LGALS4: variants seen among roughly 807,000 people sequenced by gnomAD.
LGALS4 encodes galectin 4, also known as galectin-4.
A neutral mutation model predicts 39.6 loss-of-function variants in LGALS4; 37 were observed. The observed-to-expected ratio is 0.93, with a 90% CI of 0.72 to 1.23. The LOEUF (loss-of-function observed/expected upper bound fraction) is 1.23, where lower values mean the gene tolerates loss of function less well. LGALS4 is among the 50% of genes most tolerant of loss of function. The pLI, the probability that LGALS4 is intolerant of heterozygous loss-of-function variation, is 0.00. For missense variants in LGALS4, 397 were observed against 433.2 expected, an observed-to-expected ratio of 0.92 and a Z score of 0.74; for synonymous variants, 160 against 165.5, an observed-to-expected ratio of 0.97 and a Z score of 0.25.
At chr19:38,803,718 G>GGCCCTCCCA (rs776695397) in intron 6 of LGALS4, 24 bp downstream of exon 6, 19 of 1,611,324 alleles carry the variant, frequency 1.2e-5, no homozygotes, top group African/African-American at 1.3e-5. Context: ...CCTCACCCGG[G>GGCCCTCCCA]GCCCTCCCAG....
chr19:38,811,664 GA>G (rs879875281), intron 2 of LGALS4, among the ~76,000 whole-genome samples: 5 of 148,250 alleles, frequency 3.4e-5, no homozygotes, highest in African/African-American at 7.5e-5. Flanking sequence ...TATCTCTAAG[GA>G]AAAAAAAAGT....
chr19:38,810,276 C>T (rs1423031052), intron 2 of LGALS4, among the ~76,000 whole-genome samples: 1 of 151,620 alleles, frequency 6.6e-6, no homozygotes, highest in Non-Finnish European at 1.5e-5. Flanking sequence ...CCACATCAGG[C>T]TCTCAAGTAG....
intron 3 of LGALS4, 30 bp from the exon 4 acceptor site, chr19:38,806,625 C>A: frequency 1.2e-6 from 2 of 1,611,674 alleles, no homozygotes; most frequent in South Asian, 2.2e-5. Flanking sequence ...GGTCAGGAGT[C>A]AGCACCCATG....
At chr19:38,812,613 G>C in intron 1 of LGALS4, 94 bp from the exon 2 acceptor site, 1 of 1,211,408 alleles carries the variant, frequency 8.3e-7, no homozygotes, top group Middle Eastern at 1.9e-4. Flanking sequence ...TTAAGCAGGA[G>C]AGAGGAAACC....
In LGALS4 at chr19:38,802,315, C is replaced by T. The variant is rs745807083; in HGVS notation, c.659+1G>A. On this transcript the variant is annotated splice_donor_variant, in intron 8 of 9. Coordinates refer to ENST00000307751, the MANE Select transcript of LGALS4 (RefSeq NM_006149.4). LOFTEE classifies it high-confidence loss of function. The stretch of plus-strand genomic sequence containing the variant: ...GGGTTCCCACCTAGTTTACGTTATA[C>T]CTCTTGCCTGTGGGAGGCACATAGC... 10 of 1,613,790 alleles carry T rather than the reference C, an allele frequency of 6.2e-6. No homozygotes were observed. The South Asian group carries it at 6.6e-5, about 11-fold the overall frequency.
chr19:38,802,062 A>C lies in LGALS4; in HGVS notation c.755T>G (p.Leu252Arg). Residue 252 changes from leucine (L) to arginine (R), a missense_variant, in exon 9 of 10, where the codon CTG (leucine) becomes CGG (arginine). Leu to Arg is a moderately radical substitution (Grantham distance 102, BLOSUM62 -2). Coordinates refer to ENST00000307751, the MANE Select transcript of LGALS4 (RefSeq NM_006149.4). The part of the protein sequence containing the change: ...GNGTVVRNSL[L>R]NGSWGSEEKK... Reference sequence around the variant, plus strand: ...CTCCTCGGATCCCCACGAGCCATTCAGAAGGCTGTTCCGGACCACGGTACC... The same window carrying C: ...CTCCTCGGATCCCCACGAGCCATTCCGAAGGCTGTTCCGGACCACGGTACC... The C allele has an allele frequency of 1.2e-6, 2 of 1,614,258 alleles. No individual in the cohort carries two copies. Among genetic ancestry groups the C allele is most frequent in the Non-Finnish European group, 1.7e-6 (2 of 1,180,042 alleles).
chr19:38,812,667 A>G, intron 1 of LGALS4, 148 bp from the exon 2 acceptor site: 1 of 929,426 alleles, frequency 1.1e-6, no homozygotes, highest in Non-Finnish European at 1.7e-6. Context: ...CAACAGTTAG[A>G]CGTGGACACA....
intron 1 of LGALS4, 30 bp from the exon 2 acceptor site, chr19:38,812,549 C>T: frequency 6.3e-7 from 1 of 1,597,560 alleles, no homozygotes; most frequent in Non-Finnish European, 8.6e-7. Flanking sequence ...AGGGGACTCA[C>T]AAGCCATCTG....
chr19:38,809,330 C>T (rs769644239), intron 2 of LGALS4, among the ~76,000 whole-genome samples: 1 of 151,912 alleles, frequency 6.6e-6, no homozygotes, highest in Non-Finnish European at 1.5e-5. Flanking sequence ...CAGGCGTGCA[C>T]CACCACGTCC....
chr19:38,808,789 A>C lies in LGALS4; in HGVS notation c.294T>G (p.Gly98=). Residue 98 remains glycine, a synonymous_variant, in exon 3 of 10, where the codon GGT becomes GGG. Transcript: ENST00000307751. ...ERKRSMPFKK[G]AAFELVFIVL... is the part of the protein sequence containing the mutation. ...CTATGAAGACCAGCTCAAAGGCGGC[A>C]CCCTTTTTGAAGGGCATGCTCCTCT... 1 of 1,614,120 alleles carries C rather than the reference A, an allele frequency of 6.2e-7. No individual in the cohort carries two copies. The highest frequency in any genetic ancestry group is 8.5e-7 in the Non-Finnish European group (1 of 1,180,008).
At chr19:38,811,672 A>G (rs1252298245) in intron 2 of LGALS4, among the ~76,000 whole-genome samples, 1 of 151,728 alleles carries the variant, frequency 6.6e-6, no homozygotes, top group Non-Finnish European at 1.5e-5. Context: ...AGGAAAAAAA[A>G]AGTCCTATGA....
rs1476720341 is a variant in LGALS4, at chr19:38,812,533, C to G, written c.46-14G>C. ...GTAAGGCAGCGTCTGGAGAAGAGGCCTGGTGAGGGGACTCACAAGCCATCT... is the reference window on the plus strand; with the variant it reads ...GTAAGGCAGCGTCTGGAGAAGAGGCGTGGTGAGGGGACTCACAAGCCATCT... On this transcript the variant is annotated splice_polypyrimidine_tract_variant and intron_variant, in intron 1 of 9. Coordinates refer to ENST00000307751, the MANE Select transcript of LGALS4 (RefSeq NM_006149.4). 1.2e-6 allele frequency: 2 copies of G among 1,612,522 alleles called. No homozygotes were observed. The highest frequency in any genetic ancestry group is 3.3e-5 in the Admixed American group (2 of 59,984).
intron 2 of LGALS4, among the ~76,000 whole-genome samples, chr19:38,810,408 G>T (rs1971479238): frequency 7.1e-6 from 1 of 140,324 alleles, no homozygotes; most frequent in South Asian, 2.2e-4. Context: ...TTTCGCCCAG[G>T]CTGGAGTGCA....
chr19:38,811,969 T>A (rs1208780733), intron 2 of LGALS4, among the ~76,000 whole-genome samples: 1 of 150,770 alleles, frequency 6.6e-6, no homozygotes, highest in East Asian at 2.0e-4. Context: ...GCCAAGATCA[T>A]GCCATTGCAC....
In LGALS4 at chr19:38,802,033, T is replaced by C. The variant is rs200421142; in HGVS notation, c.784A>G (p.Lys262Glu). The change falls in exon 9 of 10, where the codon AAG becomes GAG. Residue 262 changes from lysine to glutamate, a missense_variant. By Grantham distance (56) the Lys-to-Glu change is moderately conservative (BLOSUM62 1). Coordinates refer to ENST00000307751, the MANE Select transcript of LGALS4 (RefSeq NM_006149.4). ...LNGSWGSEEK[K>E]ITHNPFGPGQ... ...GGACCAAATGGGTTGTGGGTGATCT[T>C]CTTCTCCTCGGATCCCCACGAGCCA... 1.7e-4 allele frequency: 275 copies of C among 1,614,086 alleles called. No homozygotes were observed. Among genetic ancestry groups the C allele is most frequent in the Non-Finnish European group, 2.2e-4 (257 of 1,180,044 alleles).
chr19:38,810,397 CT>C (rs1055270329), intron 2 of LGALS4, among the ~76,000 whole-genome samples: 4 of 120,356 alleles, frequency 3.3e-5, no homozygotes, highest in Non-Finnish European at 6.4e-5. Flanking sequence ...GAGTCTCGCT[CT>C]TTCGCCCAGG....
In LGALS4 at chr19:38,803,786, C is replaced by G. The variant is rs761629297; in HGVS notation, c.502-6G>C. ...TGATGGCAATGTCCGGGACCCTGAACGATGGACAGAAGGCAGGAAGGGTGA... is the reference window on the plus strand; with the variant it reads ...TGATGGCAATGTCCGGGACCCTGAAGGATGGACAGAAGGCAGGAAGGGTGA... On this transcript the variant is annotated splice_region_variant and splice_polypyrimidine_tract_variant and intron_variant, in intron 5 of 9. Coordinates refer to ENST00000307751, the MANE Select transcript of LGALS4 (RefSeq NM_006149.4). 6 of 1,613,468 alleles carry G rather than the reference C, an allele frequency of 3.7e-6. No individual in the cohort carries two copies. The African/African-American group carries it at 6.7e-5, about 18-fold the overall frequency.
Position 38,808,997 on chromosome 19 carries a change from TG to T in LGALS4, c.135-50del, listed in dbSNP as rs1196510769. ...TCCCCTGGTGCCACCTCCCGGGGCC[TG>T]GGGGCCTCCTCCAGGAAGCCCTCTC... On this transcript the variant is annotated intron_variant, in intron 2 of 9. Transcript: ENST00000307751. 3.4e-6 allele frequency: 5 copies of T among 1,490,590 alleles called. No homozygotes were observed. The East Asian group carries it at 7.4e-5, about 22-fold the overall frequency. 92.3% of individuals were successfully genotyped at this position (1,490,590 alleles called of 1,614,324 possible).
chr19:38,808,927 AACC>A lies in LGALS4; in HGVS notation c.153_155del (p.Val52del), dbSNP rs760411364. On this transcript the variant is annotated inframe_deletion, in exon 3 of 10. Transcript: ENST00000307751. The stretch of plus-strand genomic sequence containing the variant: ...CGACGTCTGAGCCCGGATCCTGCCC[AACC>A]ACAAAGTTCACGAAGAACCTGGCGG... 6 of 1,612,716 alleles carry A rather than the reference AACC, an allele frequency of 3.7e-6. No individual in the cohort carries two copies. The highest frequency in any genetic ancestry group is 1.1e-5 in the South Asian group (1 of 90,922).
Sources: allele counts gnomAD v4.1 joint callset (sites outside exome capture counted in the v4.1 genomes callset), GRCh38; gene constraint gnomAD v4.1.1; transcripts MANE v1.5; gene names NCBI Gene and HGNC (gene_info 2026-07-23, HGNC 2026-07-21).